Variants in PHACTR2 observed in about 807,000 individuals in gnomAD.
PHACTR2 encodes the protein chromosome 6 open reading frame 56.
Under a neutral mutation model 76.0 loss-of-function variants are expected in PHACTR2, and 30 were observed. The ratio of observed to expected loss-of-function variants is 0.39; its 90% CI spans 0.30 to 0.54. PHACTR2 has a LOEUF of 0.54. Ranked by LOEUF, PHACTR2 falls within the 20% of genes least tolerant of loss-of-function variation. The pLI, the probability that PHACTR2 is intolerant of heterozygous loss-of-function variation, is 0.61. For synonymous variants in PHACTR2, 292 were observed against 292.5 expected (o/e 1.00, Z 0.02); for missense variants, 696 against 781.1 (o/e 0.89, Z 1.30).
At position 143,741,804 on chromosome 6, in the gene PHACTR2, A is replaced by T. The variant is rs556417001; in HGVS notation, c.215-7181A>T. Among the ~76,000 whole-genome samples, 16 of 152,244 alleles carry T rather than the reference A, an allele frequency of 1.1e-4. No homozygotes were observed. The South Asian group carries it at 3.3e-3, about 32-fold the overall frequency. On this transcript the variant is annotated intron_variant, in intron 2 of 12. Transcript: ENST00000440869. ...TGACTACTGGAAGAAAATTCAATTT[A>T]AAAACATTTATTTGAGGCTGGGCGC...
At chr6:143,779,484 G>A (rs1775366508) in intron 9 of PHACTR2, among the ~76,000 whole-genome samples, 1 of 151,904 alleles carries the variant, frequency 6.6e-6, no homozygotes, top group African/African-American at 2.4e-5. Flanking sequence ...CGAGTAGCTG[G>A]GACTACAGGT....
At position 143,801,649 on chromosome 6, in the gene PHACTR2, C is replaced by T. The variant is rs1029343165; in HGVS notation, c.1846-5408C>T. ...TCCTTGAAATGGATTAGATCATGCT[C>T]CTTTAGCTCGGAGAAGTTTGTTATT... On this transcript the variant is annotated intron_variant, in intron 11 of 12. Coordinates refer to ENST00000440869, the MANE Select transcript of PHACTR2 (RefSeq NM_001100164.2). The surrounding 1 kb of genome is among the most constrained non-coding windows in gnomAD (Gnocchi z 4.6). 2.6e-5 allele frequency among the ~76,000 whole-genome samples: 4 copies of T among 152,106 alleles called. No homozygotes were observed. The highest frequency in any genetic ancestry group is 9.7e-5 in the African/African-American group (4 of 41,428).
In PHACTR2 at chr6:143,571,147, A is replaced by G. The variant is rs145110919; in HGVS notation, c.217+33940A>G. Among the ~76,000 whole-genome samples, 37 of 152,358 alleles carry G rather than the reference A, an allele frequency of 2.4e-4. 1 individual carries two copies. In the East Asian group the frequency reaches 6.9e-3, roughly 29 times the overall value. The stretch of plus-strand genomic sequence containing the variant: ...GAAGGGAATGTAGGTAAAGAGCAGT[A>G]CAGTACAGTACTTCTAACTAATCTG... On this transcript the variant is annotated intron_variant, in intron 1 of 11. Coordinates refer to the PHACTR2 transcript ENST00000367584. The surrounding 1 kb of genome is among the most constrained non-coding windows in gnomAD (Gnocchi z 4.6).
In PHACTR2 at chr6:143,556,116, T is replaced by C. The variant is rs368514690; in HGVS notation, c.217+18909T>C. Among the ~76,000 whole-genome samples, 1 of 152,238 alleles carries C rather than the reference T, an allele frequency of 6.6e-6. No individual in the cohort carries two copies. The highest frequency in any genetic ancestry group is 1.9e-4 in the East Asian group (1 of 5,198). ...CAGAAGGGACAGTGAAAACTCATGATGGTTAAGAAATTAACAAAGGAGCAT... is the reference window on the plus strand; with the variant it reads ...CAGAAGGGACAGTGAAAACTCATGACGGTTAAGAAATTAACAAAGGAGCAT... On this transcript the variant is annotated intron_variant, in intron 1 of 11. Transcript: ENST00000367584. The surrounding 1 kb of genome is among the most constrained non-coding windows in gnomAD (Gnocchi z 4.3).
At chr6:143,587,784 C>T (rs1331958284) in intron 1 of PHACTR2, among the ~76,000 whole-genome samples, 4 of 152,028 alleles carry the variant, frequency 2.6e-5, no homozygotes, top group African/African-American at 4.8e-5. Flanking sequence ...GAGGCTGAGG[C>T]GGGCGGATCA....
At position 143,617,682 on chromosome 6, in the gene PHACTR2, G is replaced by T. The variant is rs139617805; in HGVS notation, c.13+9360G>T. On this transcript the variant is annotated intron_variant, in intron 1 of 11. Coordinates refer to the PHACTR2 transcript ENST00000305766. The surrounding 1 kb of genome is among the most constrained non-coding windows in gnomAD (Gnocchi z 4.8). Reference sequence around the variant, plus strand: ...AGTCTAGCTGAGATTTTGTGCTTGGGAATTATCTGCTTCCAGGTGAGATGT... The same window carrying T: ...AGTCTAGCTGAGATTTTGTGCTTGGTAATTATCTGCTTCCAGGTGAGATGT... 2.7e-4 allele frequency among the ~76,000 whole-genome samples: 41 copies of T among 152,222 alleles called. No homozygotes were observed. The East Asian group carries it at 7.5e-3, about 28-fold the overall frequency.
chr6:143,676,621 G>A (rs148523725), upstream of PHACTR2, among the ~76,000 whole-genome samples: 1,235 of 152,182 alleles, frequency 8.1e-3, 19 homozygotes, highest in African/African-American at 0.027. This position sits in a 1 kb window ranked among gnomAD's most constrained non-coding sequence, Gnocchi z 4.8. Flanking sequence ...TACTCTCATC[G>A]CTTAGCGCCC....
rs895609767 is a variant in PHACTR2, at chr6:143,623,881, T to C, written c.13+15559T>C. On this transcript the variant is annotated intron_variant, in intron 1 of 11. Transcript: ENST00000305766. The surrounding 1 kb of genome is among the most constrained non-coding windows in gnomAD (Gnocchi z 5.9). ...AACTGGATAGCAGCACATATTATATTGTCTTACCATGTATGATGCACAATA... is the reference window on the plus strand; with the variant it reads ...AACTGGATAGCAGCACATATTATATCGTCTTACCATGTATGATGCACAATA... Among the ~76,000 whole-genome samples the C allele has an allele frequency of 6.6e-6, 1 of 152,206 alleles. No individual in the cohort carries two copies. Among genetic ancestry groups the C allele is most frequent in the Non-Finnish European group, 1.5e-5 (1 of 68,040 alleles).
At chr6:143,566,064 C>G (rs1775358513) in intron 1 of PHACTR2, among the ~76,000 whole-genome samples, 1 of 152,108 alleles carries the variant, frequency 6.6e-6, no homozygotes, top group African/African-American at 2.4e-5. Context: ...CTTCTGGGCT[C>G]AAGCAATCCT....
intron 1 of PHACTR2, among the ~76,000 whole-genome samples, chr6:143,573,099 A>G (rs1395923532): frequency 6.6e-6 from 1 of 152,206 alleles, no homozygotes; most frequent in African/African-American, 2.4e-5. Context: ...TTTCTTATAT[A>G]TTGCATTTCA....
In PHACTR2 at chr6:143,776,195, C is replaced by T. The variant is rs1056513641; in HGVS notation, c.1590-1133C>T. Among the ~76,000 whole-genome samples the T allele has an allele frequency of 7.9e-5, 12 of 151,994 alleles. No individual in the cohort carries two copies. The highest frequency in any genetic ancestry group is 1.6e-4 in the Non-Finnish European group (11 of 67,992). ...TAGGGAGAAACCCTAAAGTCATTTC[C>T]TTTAAAAACAGAAGCAAAGAAAAAT... is the stretch of plus-strand genomic sequence containing the variant. On this transcript the variant is annotated intron_variant, in intron 8 of 12. Coordinates refer to ENST00000440869, the MANE Select transcript of PHACTR2 (RefSeq NM_001100164.2). This position sits in a 1 kb window ranked among gnomAD's most constrained non-coding sequence, Gnocchi z 5.3.
chr6:143,732,525 G>A (rs1386937060), intron 2 of PHACTR2, among the ~76,000 whole-genome samples: 1 of 152,108 alleles, frequency 6.6e-6, no homozygotes, highest in African/African-American at 2.4e-5. Flanking sequence ...TTCATCAGTT[G>A]CTGGACGTTG....
Position 143,697,114 on chromosome 6 carries a change from A to G in PHACTR2, c.47-14902A>G, listed in dbSNP as rs1371191763. Among the ~76,000 whole-genome samples the G allele has an allele frequency of 6.6e-6, 1 of 152,210 alleles. No individual in the cohort carries two copies. ...ATAACTGAACATCTGTCATAATGCT[A>G]TATTATCAAAGAATTTAATTTCAGA... On this transcript the variant is annotated intron_variant, in intron 1 of 12. Transcript: ENST00000440869. The surrounding 1 kb of genome is among the most constrained non-coding windows in gnomAD (Gnocchi z 4.4).
At position 143,633,564 on chromosome 6, in the gene PHACTR2, T is replaced by A. The variant is rs897599126; in HGVS notation, c.13+25242T>A. On this transcript the variant is annotated intron_variant, in intron 1 of 11. Transcript: ENST00000305766. The surrounding 1 kb of genome is among the most constrained non-coding windows in gnomAD (Gnocchi z 4.1). ...ACCATCATTTATCAGATATGTCTTC[T>A]GCAAGTAGTTTTTCCCAGTCTGTGG... Among the ~76,000 whole-genome samples, 27 of 152,222 alleles carry A rather than the reference T, an allele frequency of 1.8e-4. No individual in the cohort carries two copies. Among genetic ancestry groups the A allele is most frequent in the African/African-American group, 6.0e-4 (25 of 41,456 alleles).
At position 143,761,482 on chromosome 6, in the gene PHACTR2, A is replaced by C. The variant is rs914027747; in HGVS notation, c.694+842A>C. Among the ~76,000 whole-genome samples, 1 of 152,222 alleles carries C rather than the reference A, an allele frequency of 6.6e-6. No individual in the cohort carries two copies. The highest frequency in any genetic ancestry group is 1.5e-5 in the Non-Finnish European group (1 of 68,046). On this transcript the variant is annotated intron_variant, in intron 5 of 12. Coordinates refer to ENST00000440869, the MANE Select transcript of PHACTR2 (RefSeq NM_001100164.2). The surrounding 1 kb of genome is among the most constrained non-coding windows in gnomAD (Gnocchi z 5.2). Reference sequence around the variant, plus strand: ...AAAGGACATTAATCAGGCCAGGCCCAGTGGCTCACACCCGTAATCCCAGCA... The same window carrying C: ...AAAGGACATTAATCAGGCCAGGCCCCGTGGCTCACACCCGTAATCCCAGCA...
In PHACTR2 at chr6:143,683,100, C is replaced by T. The variant is rs1777434432; in HGVS notation, c.46+4891C>T. Among the ~76,000 whole-genome samples the T allele has an allele frequency of 6.6e-6, 1 of 152,152 alleles. No homozygotes were observed. Among genetic ancestry groups the T allele is most frequent in the South Asian group, 2.1e-4 (1 of 4,832 alleles). On this transcript the variant is annotated intron_variant, in intron 1 of 12. Transcript: ENST00000440869. This position sits in a 1 kb window ranked among gnomAD's most constrained non-coding sequence, Gnocchi z 4.1. ...GGGTTAGGTTTACAAAAGTATTTTA[C>T]TGAGAATTGGATCCATTATTTCTAA...
Position 143,653,092 on chromosome 6 carries a change from G to A in PHACTR2, c.13+44770G>A, listed in dbSNP as rs956371664. On this transcript the variant is annotated intron_variant, in intron 1 of 11. Transcript: ENST00000305766. This position sits in a 1 kb window ranked among gnomAD's most constrained non-coding sequence, Gnocchi z 4.9. ...CGGTGTGATGGTTGCCTCACTGCCA[G>A]AGCATTTGTTCTGGATGCCTCTGTC... Among the ~76,000 whole-genome samples, 1 of 152,222 alleles carries A rather than the reference G, an allele frequency of 6.6e-6. No homozygotes were observed. The highest frequency in any genetic ancestry group is 6.5e-5 in the Admixed American group (1 of 15,282).
In PHACTR2 at chr6:143,548,369, C is replaced by T. The variant is rs1220586550; in HGVS notation, c.217+11162C>T. Among the ~76,000 whole-genome samples, 4 of 152,020 alleles carry T rather than the reference C, an allele frequency of 2.6e-5. No homozygotes were observed. The highest frequency in any genetic ancestry group is 4.8e-5 in the African/African-American group (2 of 41,416). Reference sequence around the variant, plus strand: ...TTTGAAGGGATATAAGCATTCAGTCCGTAACACTACCTAACTAATCTGTCT... The same window carrying T: ...TTTGAAGGGATATAAGCATTCAGTCTGTAACACTACCTAACTAATCTGTCT... On this transcript the variant is annotated intron_variant, in intron 1 of 11. Coordinates refer to the PHACTR2 transcript ENST00000367584. This position sits in a 1 kb window ranked among gnomAD's most constrained non-coding sequence, Gnocchi z 4.5.
rs1410290549 is a variant in PHACTR2, at chr6:143,827,188, A to ATG, written c.*3500_*3501insGT. 7.7e-6 allele frequency: 1 copy of ATG among 130,190 alleles called. No homozygotes were observed. Among genetic ancestry groups the ATG allele is most frequent in the Non-Finnish European group, 1.7e-5 (1 of 60,038 alleles). The allele number at this position is 130,190 out of a possible 1,614,324, so 8.1% of individuals were successfully genotyped here. The stretch of plus-strand genomic sequence containing the variant: ...TATATATATATATATATATATATAT[A>ATG]TATATATATATGTATATTATATATA... On this transcript the variant is annotated 3_prime_UTR_variant, in exon 13 of 13. Transcript: ENST00000440869.
Sources: gnomAD v4.1 joint callset for allele counts (sites outside exome capture counted in the v4.1 genomes callset) on GRCh38, gnomAD v4.1.1 for gene constraint, Gnocchi (gnomAD v3.1) non-coding constraint, MANE v1.5 for transcripts, NCBI Gene and HGNC (gene_info 2026-07-23, HGNC 2026-07-21) for gene names.